CDK5RAP2: variants seen among roughly 807,000 people sequenced by gnomAD.
CDK5RAP2 encodes CDK5 regulatory subunit-associated protein 2.
A neutral mutation model predicts 232.9 loss-of-function variants in CDK5RAP2; 147 were observed. The observed-to-expected ratio is 0.63, with a 90% confidence interval of 0.55 to 0.72. The LOEUF is 0.72. Ranked by LOEUF, CDK5RAP2 falls within the 30% of genes least tolerant of loss-of-function variation. The pLI is 0.00. For missense variants in CDK5RAP2, 2,195 were observed against 2,231.5 expected (o/e 0.98, Z 0.33); for synonymous variants, 833 against 833.7 (o/e 1.00, Z 0.01).
At chr9:120,452,985 C>G (rs1254985907) in intron 21 of CDK5RAP2, among the ~76,000 whole-genome samples, 1 of 152,174 alleles carries the variant, frequency 6.6e-6, no homozygotes, top group East Asian at 1.9e-4. Context: ...ATCCCTACCC[C>G]TAAAGTCAGG....
At chr9:120,550,377 C>T (rs917165980) in intron 4 of CDK5RAP2, among the ~76,000 whole-genome samples, 1 of 152,166 alleles carries the variant, frequency 6.6e-6, no homozygotes, top group Non-Finnish European at 1.5e-5. Flanking sequence ...ATACAAATAA[C>T]CCTATGACAA....
intron 25 of CDK5RAP2, among the ~76,000 whole-genome samples, chr9:120,424,701 CTT>C (rs779377396): frequency 0.02 from 2,665 of 136,178 alleles, 74 homozygotes; most frequent in African/African-American, 0.065. Context: ...TCTCACAGCT[CTT>C]TTTTTTTTTT....
At chr9:120,497,289 C>T (rs1486471677) in intron 12 of CDK5RAP2, among the ~76,000 whole-genome samples, 1 of 127,054 alleles carries the variant, frequency 7.9e-6, no homozygotes, top group African/African-American at 3.8e-5. Flanking sequence ...GCCGCAGGGT[C>T]CTCTGCCTAG....
chr9:120,458,998 T>C (rs577073934), intron 19 of CDK5RAP2, among the ~76,000 whole-genome samples: 56 of 152,348 alleles, frequency 3.7e-4, no homozygotes, highest in African/African-American at 1.3e-3. Context: ...AATGGAAATG[T>C]GTTCTCCCAC....
intron 37 of CDK5RAP2, 60 bp downstream of exon 37, chr9:120,389,681 T>G: frequency 6.7e-7 from 1 of 1,498,182 alleles, no homozygotes; most frequent in Non-Finnish European, 9.3e-7. Context: ...AGGTCCTTTC[T>G]GGCCCTGCAC....
At chr9:120,452,947 G>A (rs2036556038) in intron 21 of CDK5RAP2, among the ~76,000 whole-genome samples, 1 of 152,132 alleles carries the variant, frequency 6.6e-6, no homozygotes, top group Non-Finnish European at 1.5e-5. Flanking sequence ...CCTACACAAA[G>A]TCTGCACAAG....
intron 3 of CDK5RAP2, among the ~76,000 whole-genome samples, chr9:120,567,600 C>T (rs1026934522): frequency 1.3e-5 from 2 of 152,072 alleles, no homozygotes; most frequent in African/African-American, 4.8e-5. Context: ...GACAACAAAC[C>T]CCCTCTGCTA....
At chr9:120,531,232 C>A (rs2416758) in intron 7 of CDK5RAP2, among the ~76,000 whole-genome samples, 16,218 of 151,564 alleles carry the variant, frequency 0.11, 1,134 homozygotes, top group East Asian at 0.27. Flanking sequence ...TCGTGCTATT[C>A]CTTCTACCTA....
intron 1 of CDK5RAP2, among the ~76,000 whole-genome samples, chr9:120,574,675 A>T (rs2042965189): frequency 6.6e-6 from 1 of 152,244 alleles, no homozygotes; most frequent in Admixed American, 6.5e-5. Context: ...CTGCACAAGC[A>T]CCACACTCAG....
intron 28 of CDK5RAP2, among the ~76,000 whole-genome samples, chr9:120,413,925 G>A (rs895779443): frequency 2.0e-5 from 3 of 152,172 alleles, no homozygotes; most frequent in Non-Finnish European, 4.4e-5. Flanking sequence ...TGGGAAAGAT[G>A]TCCCTCCCGG....
chr9:120,475,404 G>A (rs909657470), intron 15 of CDK5RAP2, among the ~76,000 whole-genome samples: 12 of 152,158 alleles, frequency 7.9e-5, no homozygotes, highest in Non-Finnish European at 1.8e-4. Flanking sequence ...AAGAGCCTGT[G>A]AAACTTGGGA....
chr9:120,393,303 C>T (rs2032163040), intron 36 of CDK5RAP2, among the ~76,000 whole-genome samples: 2 of 152,188 alleles, frequency 1.3e-5, no homozygotes, highest in Non-Finnish European at 2.9e-5. Flanking sequence ...GTCCCCAGGA[C>T]CTGGCGTAAG....
chr9:120,483,157 C>A (rs1486932731), intron 14 of CDK5RAP2, among the ~76,000 whole-genome samples: 5 of 152,256 alleles, frequency 3.3e-5, no homozygotes, highest in Non-Finnish European at 5.9e-5. Context: ...ATCACTGCCA[C>A]AGATCTGCTG....
At chr9:120,470,754 G>A (rs1384595216) in intron 16 of CDK5RAP2, among the ~76,000 whole-genome samples, 1 of 151,218 alleles carries the variant, frequency 6.6e-6, no homozygotes, top group Non-Finnish European at 1.5e-5. Flanking sequence ...ACCAATGTAA[G>A]GATCTGTTTC....
At chr9:120,465,706 GA>G (rs542352147) in intron 18 of CDK5RAP2, among the ~76,000 whole-genome samples, 8,114 of 134,528 alleles carry the variant, frequency 0.06, 679 homozygotes, top group African/African-American at 0.2. Flanking sequence ...CAACTCTAAG[GA>G]AAAAAAAAAA....
intron 13 of CDK5RAP2, among the ~76,000 whole-genome samples, chr9:120,491,029 T>G (rs1159869278): frequency 1.3e-5 from 2 of 152,190 alleles, no homozygotes; most frequent in African/African-American, 4.8e-5. Context: ...CTCAGTGAAG[T>G]GGCCTGAGCA....
intron 16 of CDK5RAP2, among the ~76,000 whole-genome samples, chr9:120,470,785 C>A (rs368675592): frequency 1.5e-5 from 2 of 136,560 alleles, no homozygotes; most frequent in East Asian, 4.2e-4. Flanking sequence ...AAGGTCAATT[C>A]TAATAGGAAG....
intron 18 of CDK5RAP2, among the ~76,000 whole-genome samples, chr9:120,462,496 C>G (rs978822293): frequency 1.3e-5 from 2 of 150,946 alleles, no homozygotes; most frequent in Non-Finnish European, 2.9e-5. Flanking sequence ...GCCCATATCA[C>G]CTTTTACCCA....
At chr9:120,489,326 T>C (rs1366730714) in intron 13 of CDK5RAP2, among the ~76,000 whole-genome samples, 2 of 152,230 alleles carry the variant, frequency 1.3e-5, no homozygotes, top group African/African-American at 2.4e-5. Context: ...CCATGGGGTA[T>C]GGGTCTTTTC....
Sources: allele counts gnomAD v4.1 joint callset (sites outside exome capture counted in the v4.1 genomes callset), GRCh38; gene constraint gnomAD v4.1.1; transcripts MANE v1.5; gene names NCBI Gene and HGNC (gene_info 2026-07-23, HGNC 2026-07-21).